Variants in ACSL3 observed in about 807,000 individuals in gnomAD.
ACSL3 encodes the protein fatty acid CoA ligase Acsl3.
A neutral mutation model predicts 84.7 loss-of-function variants in ACSL3; 34 were observed. That is an observed-to-expected ratio of 0.40 (90% CI 0.31 to 0.53). The LOEUF (loss-of-function observed/expected upper bound fraction) is 0.53. Ranked by LOEUF, ACSL3 falls within the 20% of genes least tolerant of loss-of-function variation. The pLI is 0.48. For missense variants in ACSL3, 680 were observed against 873.1 expected, an observed-to-expected ratio of 0.78 and a Z score of 2.79; for synonymous variants, 315 against 299.4, an observed-to-expected ratio of 1.05 and a Z score of -0.54.
chr2:222,903,258 C>A (rs1028996300), intron 3 of ACSL3, among the ~76,000 whole-genome samples: 3 of 152,134 alleles, frequency 2.0e-5, no homozygotes, highest in African/African-American at 4.8e-5. Context: ...CCACTTGATT[C>A]CGCCTCTTGA....
At chr2:222,929,898 A>G (rs145624668) in intron 13 of ACSL3, among the ~76,000 whole-genome samples, 83 of 151,696 alleles carry the variant, frequency 5.5e-4, no homozygotes, top group African/African-American at 2.0e-3. Flanking sequence ...ATCTATAAGA[A>G]TAAATCTTAA....
intron 16 of ACSL3, among the ~76,000 whole-genome samples, chr2:222,935,319 G>T (rs543242011): frequency 6.6e-6 from 1 of 152,168 alleles, no homozygotes; most frequent in East Asian, 1.9e-4. Flanking sequence ...CTCCCAAGTA[G>T]CCGGGACTAC....
chr2:222,883,163 TTC>T (rs1271546336), intron 1 of ACSL3, among the ~76,000 whole-genome samples: 2 of 146,894 alleles, frequency 1.4e-5, no homozygotes, highest in East Asian at 3.9e-4. Context: ...GTGGTTTGCT[TTC>T]TGTTTTTTTT....
At chr2:222,932,016 C>T (rs1559303098) in intron 14 of ACSL3, among the ~76,000 whole-genome samples, 1 of 152,168 alleles carries the variant, frequency 6.6e-6, no homozygotes, top group African/African-American at 2.4e-5. Flanking sequence ...GTATGAGCAA[C>T]AGAGTGAGAC....
intron 7 of ACSL3, 178 bp from the exon 8 acceptor site, chr2:222,921,102 C>G (rs1696722742): frequency 1.4e-6 from 1 of 727,622 alleles, no homozygotes; most frequent in African/African-American, 1.8e-5. Context: ...TAGAATATAT[C>G]TCCCATACGT....
In ACSL3 at chr2:222,901,198, T is replaced by C. The variant is rs1462896083; in HGVS notation, c.-41+418T>C. ...TTCCTGAAGCACCATTAACACTTGA[T>C]TAATACTTACCTTTAGGTTATATGA... On this transcript the variant is annotated intron_variant, in intron 3 of 16. Coordinates refer to ENST00000357430, the MANE Select transcript of ACSL3 (RefSeq NM_004457.5). 3.3e-5 allele frequency among the ~76,000 whole-genome samples: 5 copies of C among 152,248 alleles called. No individual in the cohort carries two copies. In the South Asian group the frequency reaches 8.3e-4, roughly 25 times the overall value.
intron 1 of ACSL3, among the ~76,000 whole-genome samples, chr2:222,880,934 T>G (rs1377173517): frequency 1.3e-5 from 2 of 152,206 alleles, no homozygotes; most frequent in African/African-American, 2.4e-5. Context: ...TTCAAATGAT[T>G]CCTTCAGATT....
At chr2:222,919,315 C>A in intron 7 of ACSL3, 113 bp downstream of exon 7, 3 of 1,310,284 alleles carry the variant, frequency 2.3e-6, no homozygotes, top group Admixed American at 2.6e-5. Flanking sequence ...AGTTTTCTAA[C>A]ATCAGTTAGG....
chr2:222,882,110 A>G (rs890542068), intron 1 of ACSL3, among the ~76,000 whole-genome samples: 2 of 152,236 alleles, frequency 1.3e-5, no homozygotes, highest in Non-Finnish European at 2.9e-5. Flanking sequence ...ACTTCAGATC[A>G]TTCTGGCTTA....
At chr2:222,901,267 A>G (rs1696141011) in intron 3 of ACSL3, among the ~76,000 whole-genome samples, 2 of 152,212 alleles carry the variant, frequency 1.3e-5, no homozygotes, top group South Asian at 4.1e-4. Context: ...AAGGGTTACA[A>G]CTTTTGCTTG....
At chr2:222,923,431 T>C (rs1696791332) in intron 10 of ACSL3, among the ~76,000 whole-genome samples, 1 of 152,230 alleles carries the variant, frequency 6.6e-6, no homozygotes, top group African/African-American at 2.4e-5. Flanking sequence ...TCATGATATC[T>C]GTTGGTGAAT....
intron 15 of ACSL3, 52 bp from the exon 16 acceptor site, chr2:222,934,478 T>C: frequency 7.1e-7 from 1 of 1,403,738 alleles, no homozygotes; most frequent in Non-Finnish European, 9.4e-7. Flanking sequence ...ATAACTGCAG[T>C]CAACACAGTT....
chr2:222,931,855 GTGT>G (rs1697038519), intron 14 of ACSL3, among the ~76,000 whole-genome samples: 1 of 152,078 alleles, frequency 6.6e-6, no homozygotes, highest in African/African-American at 2.4e-5. Context: ...GCTTTTGCCA[GTGT>G]TGTTGCACCT....
Position 222,915,055 on chromosome 2 carries a change from CACTT to C in ACSL3, c.379-1261_379-1258del, listed in dbSNP as rs570844584. Among the ~76,000 whole-genome samples, 327 of 152,304 alleles carry C rather than the reference CACTT, an allele frequency of 2.1e-3. 1 individual carries two copies. Among genetic ancestry groups the C allele is most frequent in the Middle Eastern group, 0.01 (3 of 294 alleles). Reference sequence around the variant, plus strand: ...AGTCTTTGAAATTTATAAATCCTGTCACTTACATATTAGAATCTGGAAGGTAGTG... The same window carrying C: ...AGTCTTTGAAATTTATAAATCCTGTCACATATTAGAATCTGGAAGGTAGTG... On this transcript the variant is annotated intron_variant, in intron 4 of 16. Coordinates refer to ENST00000357430, the MANE Select transcript of ACSL3 (RefSeq NM_004457.5).
intron 4 of ACSL3, among the ~76,000 whole-genome samples, chr2:222,911,517 G>A (rs1173929244): frequency 6.6e-6 from 1 of 152,074 alleles, no homozygotes; most frequent in Non-Finnish European, 1.5e-5. Flanking sequence ...TCAAAGGTTG[G>A]ATTCTCTTTT....
rs1695832973 is a variant in ACSL3 at position 222,890,981 on chromosome 2, C to T, written c.-148+3093C>T. Among the ~76,000 whole-genome samples the T allele has an allele frequency of 2.0e-5, 3 of 152,294 alleles. No homozygotes were observed. The South Asian group carries it at 6.2e-4, about 32-fold the overall frequency. On this transcript the variant is annotated intron_variant, in intron 2 of 16. Transcript: ENST00000357430. ...TTTAAAAGTGAATTTGTTACTTCAA[C>T]TAACACAACCTTCACTTAAAAATTA... is the stretch of plus-strand genomic sequence containing the variant.
intron 15 of ACSL3, among the ~76,000 whole-genome samples, chr2:222,934,048 A>G (rs1270072912): frequency 6.6e-6 from 1 of 152,234 alleles, no homozygotes; most frequent in Non-Finnish European, 1.5e-5. Flanking sequence ...TTCGTTGGGC[A>G]TAGTCAGAGT....
At chr2:222,881,284 A>G (rs764218829) in intron 1 of ACSL3, among the ~76,000 whole-genome samples, 1 of 152,246 alleles carries the variant, frequency 6.6e-6, no homozygotes, top group Non-Finnish European at 1.5e-5. Flanking sequence ...TGGACTAGCC[A>G]CGTTTCAGGT....
At chr2:222,880,861 C>CTA (rs1465580187) in intron 1 of ACSL3, among the ~76,000 whole-genome samples, 2 of 150,716 alleles carry the variant, frequency 1.3e-5, no homozygotes, top group African/African-American at 4.9e-5. Context: ...AAAAACCTGT[C>CTA]TATTTTTATT....
Sources: gnomAD v4.1 joint callset for allele counts (sites outside exome capture counted in the v4.1 genomes callset) on GRCh38, gnomAD v4.1.1 for gene constraint, MANE v1.5 for transcripts, NCBI Gene and HGNC (gene_info 2026-07-23, HGNC 2026-07-21) for gene names.